Variants in ZNF521 observed in about 807,000 individuals in gnomAD.
ZNF521 encodes LYST-interacting protein 3.
A neutral mutation model predicts 105.5 loss-of-function variants in ZNF521; 14 were observed. The observed-to-expected ratio is 0.13, with a 90% confidence interval of 0.09 to 0.21. ZNF521 has a LOEUF of 0.21. Ranked by LOEUF, ZNF521 falls within the 10% of genes least tolerant of loss-of-function variation. ZNF521 has a pLI of 1.00. For missense variants in ZNF521, 1,233 were observed against 1,629.7 expected (o/e 0.76, Z 4.19); for synonymous variants, 635 against 606.0 (o/e 1.05, Z -0.70).
At chr18:25,303,894 G>A (rs1911812144) in intron 3 of ZNF521, among the ~76,000 whole-genome samples, 1 of 152,160 alleles carries the variant, frequency 6.6e-6, no homozygotes, top group Admixed American at 6.5e-5. Context: ...GAAATAGGTT[G>A]TTCAGGAAAT....
chr18:25,334,526 G>A (rs565437541), intron 2 of ZNF521, among the ~76,000 whole-genome samples: 1 of 152,276 alleles, frequency 6.6e-6, no homozygotes, highest in South Asian at 2.1e-4. Flanking sequence ...TAAAGCCAAA[G>A]GAAGACACAG....
At chr18:25,170,178 C>T (rs917169899) in intron 5 of ZNF521, among the ~76,000 whole-genome samples, 13 of 151,734 alleles carry the variant, frequency 8.6e-5, no homozygotes, top group East Asian at 1.9e-4. Flanking sequence ...CCAAAGGCGG[C>T]GTTCAATGCT....
At chr18:25,165,901 T>C (rs1567990535) in intron 5 of ZNF521, among the ~76,000 whole-genome samples, 1 of 152,170 alleles carries the variant, frequency 6.6e-6, no homozygotes, top group Non-Finnish European at 1.5e-5. Context: ...GGCTCTTCCT[T>C]ATCAGGCAAC....
At chr18:25,297,898 T>C (rs1472545303) in intron 3 of ZNF521, among the ~76,000 whole-genome samples, 4 of 152,162 alleles carry the variant, frequency 2.6e-5, no homozygotes, top group Non-Finnish European at 5.9e-5. Flanking sequence ...AATATTTCCC[T>C]CCCATTCTTA....
chr18:25,236,202 T>C (rs1906877188), intron 3 of ZNF521, among the ~76,000 whole-genome samples: 1 of 152,168 alleles, frequency 6.6e-6, no homozygotes, highest in Non-Finnish European at 1.5e-5. Flanking sequence ...GTTTTATGCA[T>C]TTAATGAGGA....
chr18:25,108,828 G>T, intron 5 of ZNF521, among the ~76,000 whole-genome samples: 1 of 152,034 alleles, frequency 6.6e-6, no homozygotes, highest in Non-Finnish European at 1.5e-5. Context: ...TTTCGCCATA[G>T]TAGCCAGGAT....
intron 2 of ZNF521, chr18:25,327,793 C>G (rs746672284): frequency 4.4e-6 from 2 of 450,804 alleles, no homozygotes; most frequent in Non-Finnish European, 8.8e-6. Context: ...GACTGTGCAG[C>G]CGTCTGTCCC....
intron 3 of ZNF521, among the ~76,000 whole-genome samples, chr18:25,238,482 T>C (rs1293641228): frequency 2.0e-5 from 3 of 152,178 alleles, no homozygotes; most frequent in African/African-American, 7.2e-5. Context: ...CTCTCTCCTG[T>C]TCTTCCATCC....
At chr18:25,148,388 T>C (rs1054382817) in intron 5 of ZNF521, among the ~76,000 whole-genome samples, 2 of 152,232 alleles carry the variant, frequency 1.3e-5, no homozygotes, top group Admixed American at 1.3e-4. Flanking sequence ...TTGGTCACTA[T>C]GTATTCACAT....
intron 3 of ZNF521, among the ~76,000 whole-genome samples, chr18:25,294,769 C>T (rs1255647811): frequency 2.8e-5 from 4 of 141,526 alleles, no homozygotes; most frequent in South Asian, 2.3e-4. Context: ...GCAGGAGAAT[C>T]GCTTGAACCC....
Position 25,333,299 on chromosome 18 carries a change from A to ACTCTCTCTCT in ZNF521, c.41-11122_41-11113dup, listed in dbSNP as rs150034581. 6.9e-4 allele frequency among the ~76,000 whole-genome samples: 98 copies of ACTCTCTCTCT among 142,890 alleles called. 1 individual carries two copies. The highest frequency in any genetic ancestry group is 2.3e-3 in the African/African-American group (88 of 38,636). 93.7% of individuals were successfully genotyped at this position (142,890 alleles called of 152,430 possible). On this transcript the variant is annotated intron_variant, in intron 2 of 7. Coordinates refer to ENST00000361524, the MANE Select transcript of ZNF521 (RefSeq NM_015461.3). The stretch of plus-strand genomic sequence containing the variant: ...TAAGCATGTGGTTTAATAAGGACAC[A>ACTCTCTCTCT]CTCTCTCTCTCTCTCTATATATATA...
At chr18:25,240,240 A>G (rs1271044218) in intron 3 of ZNF521, among the ~76,000 whole-genome samples, 1 of 152,142 alleles carries the variant, frequency 6.6e-6, no homozygotes, top group Admixed American at 6.5e-5. Flanking sequence ...AAGACTAGGG[A>G]CAAAGTTGCT....
intron 5 of ZNF521, among the ~76,000 whole-genome samples, chr18:25,167,167 T>C (rs2035358130): frequency 6.6e-6 from 1 of 152,182 alleles, no homozygotes; most frequent in Non-Finnish European, 1.5e-5. Flanking sequence ...TGGTAATCAA[T>C]ATGGTGCCAT....
At chr18:25,321,153 C>T (rs1912917511) in intron 3 of ZNF521, among the ~76,000 whole-genome samples, 1 of 152,182 alleles carries the variant, frequency 6.6e-6, no homozygotes, top group Non-Finnish European at 1.5e-5. Context: ...GAAAGAGAGA[C>T]ACACACATAC....
At chr18:25,340,160 G>A (rs1343902482) in intron 2 of ZNF521, among the ~76,000 whole-genome samples, 7 of 152,064 alleles carry the variant, frequency 4.6e-5, no homozygotes, top group African/African-American at 1.7e-4. Flanking sequence ...TTTGAGACCA[G>A]CCTAGCCAAC....
chr18:25,245,274 G>T (rs1022202355), intron 3 of ZNF521, among the ~76,000 whole-genome samples: 1 of 152,096 alleles, frequency 6.6e-6, no homozygotes, highest in Non-Finnish European at 1.5e-5. Flanking sequence ...CTATGTTTTA[G>T]GTTGGCTGTA....
rs565548592 is a variant in ZNF521, at chr18:25,117,520, A to G, written c.3659-25439T>C. ...GCAGCTATTATAACTATGCTTAATG[A>G]TATAAAGGAAAATATATTCTTCATG... is the stretch of plus-strand genomic sequence containing the variant. On this transcript the variant is annotated intron_variant, in intron 5 of 7. Transcript: ENST00000361524. 1.3e-4 allele frequency among the ~76,000 whole-genome samples: 20 copies of G among 152,306 alleles called. No individual in the cohort carries two copies. The East Asian group carries it at 2.7e-3, about 21-fold the overall frequency.
rs929210379 is a variant in ZNF521, at chr18:25,328,964, T to C, written c.41-6777A>G. On this transcript the variant is annotated intron_variant, in intron 2 of 7. Coordinates refer to ENST00000361524, the MANE Select transcript of ZNF521 (RefSeq NM_015461.3). The stretch of plus-strand genomic sequence containing the variant: ...AGTAGTTTGTAACTAACTATGTTAG[T>C]AGTAGTTACTAACATATTCCTACCT... Among the ~76,000 whole-genome samples, 4 of 152,258 alleles carry C rather than the reference T, an allele frequency of 2.6e-5. 1 individual carries two copies. Among genetic ancestry groups the C allele is most frequent in the South Asian group, 4.1e-4 (2 of 4,832 alleles).
At chr18:25,220,477 C>T (rs1232935103) in intron 4 of ZNF521, among the ~76,000 whole-genome samples, 1 of 152,104 alleles carries the variant, frequency 6.6e-6, no homozygotes, top group Non-Finnish European at 1.5e-5. Context: ...AATCCTGAAC[C>T]TGGAGTTAAC....
Sources: allele counts gnomAD v4.1 joint callset (sites outside exome capture counted in the v4.1 genomes callset), GRCh38; gene constraint gnomAD v4.1.1; transcripts MANE v1.5; gene names NCBI Gene and HGNC (gene_info 2026-07-23, HGNC 2026-07-21).